Variants in PKIG observed in about 807,000 individuals in gnomAD.
The protein encoded by PKIG is cAMP-dependent protein kinase inhibitor gamma.
In PKIG, 1 loss-of-function variant was observed where a neutral mutation model predicts 6.8. The observed-to-expected ratio is 0.15, with a 90% CI of 0.05 to 0.69. The LOEUF (loss-of-function observed/expected upper bound fraction) is 0.69. Among genes scored for constraint, PKIG ranks in the 30% least tolerant of loss-of-function variants. PKIG has a pLI of 0.82. For missense variants in PKIG, 77 were observed against 104.0 expected (o/e 0.74, Z 1.13); for synonymous variants, 39 against 43.0 (o/e 0.91, Z 0.36).
intron 1 of PKIG, among the ~76,000 whole-genome samples, chr20:44,575,445 C>G (rs551987837): frequency 6.6e-6 from 1 of 152,318 alleles, no homozygotes; most frequent in Admixed American, 6.5e-5. Context: ...TCTCAAACTC[C>G]TGTCATGCAG....
chr20:44,600,519 T>C (rs1049796713), intron 2 of PKIG, among the ~76,000 whole-genome samples: 2 of 150,796 alleles, frequency 1.3e-5, no homozygotes, highest in African/African-American at 4.9e-5. Context: ...AGGAGAGAGG[T>C]CAGCAGATTC....
intron 2 of PKIG, among the ~76,000 whole-genome samples, chr20:44,609,581 G>C (rs2065195381): frequency 6.6e-6 from 1 of 152,180 alleles, no homozygotes; most frequent in African/African-American, 2.4e-5. Context: ...TGCATGGAGC[G>C]CCTGCTCTTT....
chr20:44,541,679 G>A (rs564625276), intron 1 of PKIG, among the ~76,000 whole-genome samples: 1 of 149,292 alleles, frequency 6.7e-6, no homozygotes, highest in Non-Finnish European at 1.5e-5. Context: ...ATTTTTAAGT[G>A]TAGGTTCTTT....
intron 1 of PKIG, among the ~76,000 whole-genome samples, chr20:44,575,257 C>T (rs900911156): frequency 2.0e-5 from 3 of 152,098 alleles, no homozygotes; most frequent in Non-Finnish European, 4.4e-5. Flanking sequence ...GGCTGGCCGT[C>T]ACCCACGCTG....
At chr20:44,577,462 T>C in intron 1 of PKIG, among the ~76,000 whole-genome samples, 1 of 152,142 alleles carries the variant, frequency 6.6e-6, no homozygotes, top group East Asian at 1.9e-4. Context: ...GTAAGTGTGG[T>C]TCCTTCTCTG....
chr20:44,580,893 G>A (rs1034596722), upstream of PKIG, among the ~76,000 whole-genome samples: 1 of 152,182 alleles, frequency 6.6e-6, no homozygotes, highest in African/African-American at 2.4e-5. Context: ...CACCATCAAA[G>A]TGGCATTGAA....
chr20:44,559,922 G>A (rs2064751284), intron 1 of PKIG, among the ~76,000 whole-genome samples: 1 of 152,036 alleles, frequency 6.6e-6, no homozygotes, highest in African/African-American at 2.4e-5. Flanking sequence ...TTTTGATGTA[G>A]CGCCGGGCAT....
chr20:44,611,084 G>T (rs1269507906), intron 2 of PKIG, among the ~76,000 whole-genome samples: 1 of 138,944 alleles, frequency 7.2e-6, no homozygotes, highest in Non-Finnish European at 1.5e-5. Context: ...ACGGAGTCTC[G>T]CTCTGTCTTG....
At chr20:44,562,237 A>G (rs1435633544) in intron 1 of PKIG, among the ~76,000 whole-genome samples, 1 of 152,216 alleles carries the variant, frequency 6.6e-6, no homozygotes, top group Non-Finnish European at 1.5e-5. Context: ...CTTAGAAAAG[A>G]TTAATAAAAA....
At chr20:44,563,188 T>C (rs1370665879) in intron 1 of PKIG, among the ~76,000 whole-genome samples, 1 of 151,946 alleles carries the variant, frequency 6.6e-6, no homozygotes, top group Non-Finnish European at 1.5e-5. Context: ...TAGAAAGAGA[T>C]TAGCAAAACA....
chr20:44,566,191 A>G (rs975172195), intron 1 of PKIG, among the ~76,000 whole-genome samples: 2 of 152,186 alleles, frequency 1.3e-5, no homozygotes, highest in Non-Finnish European at 2.9e-5. Flanking sequence ...TTTTGTAAAT[A>G]ATTAGTTTTA....
At position 44,618,517 on chromosome 20, in the gene PKIG, C is replaced by T. The variant is rs2065292084; in HGVS notation, c.*153C>T. 2 of 615,792 alleles carry T rather than the reference C, an allele frequency of 3.2e-6. No homozygotes were observed. The highest frequency in any genetic ancestry group is 4.4e-4 in the Middle Eastern group (1 of 2,256). The allele number at this position is 615,792 out of a possible 1,614,324, so 38.1% of individuals were successfully genotyped here. On this transcript the variant is annotated 3_prime_UTR_variant, in exon 4 of 4. Coordinates refer to ENST00000372886, the MANE Select transcript of PKIG (RefSeq NM_001281445.2). ...GGCTCCCCAGAGGCCTCTGTGGCCT[C>T]CACTCCGGGAAAGCCCTCTGCCCAC...
At chr20:44,554,890 A>C (rs767618860) in intron 1 of PKIG, among the ~76,000 whole-genome samples, 6 of 152,224 alleles carry the variant, frequency 3.9e-5, no homozygotes, top group Non-Finnish European at 8.8e-5. Flanking sequence ...AGATACAGGA[A>C]AATAATCATC....
chr20:44,593,364 A>AACACACACACAC (rs55947972), intron 2 of PKIG, among the ~76,000 whole-genome samples: 2 of 132,466 alleles, frequency 1.5e-5, no homozygotes, highest in Admixed American at 1.5e-4. Context: ...TATAATAATC[A>AACACACACACAC]ACACACACAC....
intron 2 of PKIG, among the ~76,000 whole-genome samples, chr20:44,593,638 T>C (rs944461981): frequency 6.6e-6 from 1 of 152,126 alleles, no homozygotes; most frequent in Non-Finnish European, 1.5e-5. Flanking sequence ...GAGCAAAGGT[T>C]ACAAACTTGC....
intron 1 of PKIG, among the ~76,000 whole-genome samples, chr20:44,535,690 A>G (rs2064506364): frequency 6.6e-6 from 1 of 152,176 alleles, no homozygotes; most frequent in African/African-American, 2.4e-5. Context: ...AAAGATGTTT[A>G]CATTATGTGG....
chr20:44,581,898 T>C (rs755635754), upstream of PKIG, among the ~76,000 whole-genome samples: 3 of 152,174 alleles, frequency 2.0e-5, no homozygotes, highest in Admixed American at 6.5e-5. Flanking sequence ...TTTTTACTCA[T>C]TGAATCTCAG....
At chr20:44,549,172 G>T (rs190810222) in intron 1 of PKIG, among the ~76,000 whole-genome samples, 42 of 152,142 alleles carry the variant, frequency 2.8e-4, no homozygotes, top group African/African-American at 4.1e-4. Flanking sequence ...TAAACTTTTG[G>T]CATTCTTAGT....
At chr20:44,595,246 A>G (rs952166665) in intron 2 of PKIG, among the ~76,000 whole-genome samples, 1 of 152,224 alleles carries the variant, frequency 6.6e-6, no homozygotes, top group Non-Finnish European at 1.5e-5. Context: ...TTTTCTGGGC[A>G]AAGTATCTGT....
Sources: gnomAD v4.1 joint callset for allele counts (sites outside exome capture counted in the v4.1 genomes callset) on GRCh38, gnomAD v4.1.1 for gene constraint, MANE v1.5 for transcripts, NCBI Gene and HGNC (gene_info 2026-07-23, HGNC 2026-07-21) for gene names.